SLC35F1: variants seen among roughly 807,000 people sequenced by gnomAD.
SLC35F1 encodes the protein chromosome 6 open reading frame 169.
In SLC35F1, 14 loss-of-function variants were observed where a neutral mutation model predicts 48.7. That is an observed-to-expected ratio of 0.29 (90% CI 0.19 to 0.45). The LOEUF is 0.45. Ranked by LOEUF, SLC35F1 falls within the 20% of genes least tolerant of loss-of-function variation. SLC35F1 has a pLI of 1.00. For missense variants in SLC35F1, 404 were observed against 500.0 expected (o/e 0.81, Z 1.83); for synonymous variants, 190 against 202.2 (o/e 0.94, Z 0.51).
intron 4 of SLC35F1, among the ~76,000 whole-genome samples, chr6:118,274,692 C>G (rs1775898410): frequency 6.6e-6 from 1 of 152,134 alleles, no homozygotes; most frequent in African/African-American, 2.4e-5. Flanking sequence ...GCCACCACGC[C>G]CAGCCCAAAA....
At chr6:118,200,475 C>A (rs1048177932) in intron 2 of SLC35F1, among the ~76,000 whole-genome samples, 6 of 152,238 alleles carry the variant, frequency 3.9e-5, no homozygotes, top group African/African-American at 1.4e-4. Context: ...CTTCCAGGTT[C>A]CTGGTTGCTG....
In SLC35F1 at chr6:117,907,422, C is replaced by A; in HGVS notation, c.-305C>A. On this transcript the variant is annotated 5_prime_UTR_variant, in exon 1 of 8. Transcript: ENST00000360388. The stretch of plus-strand genomic sequence containing the variant: ...CAGCTCCGCGCCCCCGCGCGACACC[C>A]TTCGCAGCCACTTCGCGGGGCGGGC... 1 of 205,928 alleles carries A rather than the reference C, an allele frequency of 4.9e-6. No homozygotes were observed. Among genetic ancestry groups the A allele is most frequent in the Non-Finnish European group, 9.6e-6 (1 of 103,664 alleles). 12.8% of individuals were successfully genotyped at this position (205,928 alleles called of 1,614,324 possible).
intron 1 of SLC35F1, among the ~76,000 whole-genome samples, chr6:118,099,154 C>T (rs1773221201): frequency 6.6e-6 from 1 of 152,198 alleles, no homozygotes. Flanking sequence ...GTGAATGTGG[C>T]AGTGCCATGA....
intron 2 of SLC35F1, among the ~76,000 whole-genome samples, chr6:118,177,697 A>G (rs539620331): frequency 6.6e-6 from 1 of 152,124 alleles, no homozygotes; most frequent in Non-Finnish European, 1.5e-5. Context: ...TTAAAAAAAC[A>G]GTCAATATTC....
At chr6:118,168,854 G>A (rs990899649) in intron 2 of SLC35F1, among the ~76,000 whole-genome samples, 1 of 152,190 alleles carries the variant, frequency 6.6e-6, no homozygotes, top group East Asian at 1.9e-4. Flanking sequence ...ATGTTATAAA[G>A]TGACCAAGTG....
rs559931222 is a variant in SLC35F1 at position 118,187,909 on chromosome 6, C to T, written c.349+33289C>T. Reference sequence around the variant, plus strand: ...AAAATAATGGCATAAATTCCTATTGCCCAATTCCTCTGGGACCACTACATA... The same window carrying T: ...AAAATAATGGCATAAATTCCTATTGTCCAATTCCTCTGGGACCACTACATA... On this transcript the variant is annotated intron_variant, in intron 2 of 7. Transcript: ENST00000360388. 2.0e-5 allele frequency among the ~76,000 whole-genome samples: 3 copies of T among 152,332 alleles called. No homozygotes were observed. The South Asian group carries it at 6.2e-4, about 32-fold the overall frequency.
chr6:118,145,890 T>C (rs1445344795), intron 1 of SLC35F1, among the ~76,000 whole-genome samples: 2 of 152,226 alleles, frequency 1.3e-5, no homozygotes, highest in South Asian at 4.1e-4. Flanking sequence ...TCTTATACTA[T>C]TGGGAAAACC....
chr6:118,192,830 A>T (rs1011434356), intron 2 of SLC35F1, among the ~76,000 whole-genome samples: 2 of 152,162 alleles, frequency 1.3e-5, no homozygotes, highest in Non-Finnish European at 2.9e-5. Context: ...CCTCTGCAGC[A>T]TCTCAAAGTT....
chr6:118,052,512 G>A (rs1244588812), intron 1 of SLC35F1, among the ~76,000 whole-genome samples: 1 of 152,142 alleles, frequency 6.6e-6, no homozygotes, highest in Non-Finnish European at 1.5e-5. Context: ...TCTTAAAAAT[G>A]TAATATATTC....
intron 1 of SLC35F1, among the ~76,000 whole-genome samples, chr6:118,044,643 CA>C (rs1772274280): frequency 6.6e-6 from 1 of 152,022 alleles, no homozygotes; most frequent in Non-Finnish European, 1.5e-5. Flanking sequence ...AAATAATTAC[CA>C]ATTAATAGCC....
At chr6:117,977,004 T>G (rs1013495686) in intron 1 of SLC35F1, among the ~76,000 whole-genome samples, 1 of 152,210 alleles carries the variant, frequency 6.6e-6, no homozygotes, top group Non-Finnish European at 1.5e-5. Flanking sequence ...TGTCCAGTAT[T>G]CAATTTTAAC....
At chr6:117,973,376 G>A (rs1470714787) in intron 1 of SLC35F1, among the ~76,000 whole-genome samples, 2 of 152,034 alleles carry the variant, frequency 1.3e-5, no homozygotes, top group African/African-American at 2.4e-5. Context: ...GGTTGTAAGG[G>A]GACAAAGGAC....
intron 1 of SLC35F1, among the ~76,000 whole-genome samples, chr6:117,919,302 A>G (rs889298098): frequency 1.2e-4 from 19 of 152,106 alleles, no homozygotes; most frequent in African/African-American, 4.1e-4. Context: ...AAACAGCTTA[A>G]CTTTTGGGGG....
chr6:117,974,941 A>G (rs763047826), intron 1 of SLC35F1, among the ~76,000 whole-genome samples: 14 of 152,226 alleles, frequency 9.2e-5, no homozygotes, highest in Non-Finnish European at 1.8e-4. Flanking sequence ...GTATACTTGT[A>G]GGAGAATGAG....
intron 1 of SLC35F1, among the ~76,000 whole-genome samples, chr6:117,967,207 AAAAGAATG>A (rs1395084060): frequency 6.6e-6 from 1 of 152,220 alleles, no homozygotes; most frequent in African/African-American, 2.4e-5. Context: ...AAAGGAGCTG[AAAAGAATG>A]AAAGGAAAAA....
At chr6:118,129,169 A>G (rs1242663835) in intron 1 of SLC35F1, among the ~76,000 whole-genome samples, 1 of 152,236 alleles carries the variant, frequency 6.6e-6, no homozygotes, top group Non-Finnish European at 1.5e-5. Flanking sequence ...AAATGAATCA[A>G]TCAAGTAATT....
At chr6:118,128,499 A>G (rs1207771945) in intron 1 of SLC35F1, among the ~76,000 whole-genome samples, 1 of 152,140 alleles carries the variant, frequency 6.6e-6, no homozygotes, top group South Asian at 2.1e-4. Flanking sequence ...TGATGAGTTC[A>G]TGTCCTTTGT....
At chr6:118,153,838 G>A (rs958822972) in intron 1 of SLC35F1, among the ~76,000 whole-genome samples, 6 of 152,172 alleles carry the variant, frequency 3.9e-5, no homozygotes, top group African/African-American at 1.4e-4. Flanking sequence ...GACACCTAAT[G>A]CTCATCAAAG....
intron 1 of SLC35F1, among the ~76,000 whole-genome samples, chr6:117,929,785 A>G (rs1238412867): frequency 1.3e-5 from 2 of 152,150 alleles, no homozygotes; most frequent in Non-Finnish European, 2.9e-5. Flanking sequence ...CTTCATAGCA[A>G]ACATCTAAAC....
Sources: gnomAD v4.1 joint callset for allele counts (sites outside exome capture counted in the v4.1 genomes callset) on GRCh38, gnomAD v4.1.1 for gene constraint, MANE v1.5 for transcripts, NCBI Gene and HGNC (gene_info 2026-07-23, HGNC 2026-07-21) for gene names.